PBX4: variants seen among roughly 807,000 people sequenced by gnomAD.
PBX4 encodes pre-B-cell leukemia transcription factor 4.
A neutral mutation model predicts 35.1 loss-of-function variants in PBX4; 26 were observed. That is an observed-to-expected ratio of 0.74 (90% confidence interval 0.54 to 1.03). PBX4 has a LOEUF of 1.03. Ranked by LOEUF, PBX4 falls within the 50% of genes least tolerant of loss-of-function variation. PBX4 has a pLI of 0.00. For missense variants in PBX4, 448 were observed against 504.3 expected (o/e 0.89, Z 1.07); for synonymous variants, 199 against 204.2 (o/e 0.97, Z 0.22).
At position 19,570,597 on chromosome 19, in the gene PBX4, T is replaced by C. The variant is rs1249733586; in HGVS notation, c.430A>G (p.Lys144Glu). The C allele has an allele frequency of 6.2e-7, 1 of 1,613,796 alleles. No individual in the cohort carries two copies. Among genetic ancestry groups the C allele is most frequent in the Non-Finnish European group, 8.5e-7 (1 of 1,179,716 alleles). The change falls in exon 3 of 8, where the codon AAA (lysine) becomes GAA (glutamate). Residue 144 changes from lysine (K) to glutamate (E), a missense_variant. Lys to Glu is a moderately conservative substitution (Grantham distance 56, BLOSUM62 1). Transcript: ENST00000251203. Reference protein sequence around the residue: ...IRQIYHSELEKYEQACREFTT... With the variant: ...IRQIYHSELEEYEQACREFTT... The stretch of plus-strand genomic sequence containing the variant: ...TGCAGAAAGATCACCTGTTCATATT[T>C]CTCTAGCTCAGAGTGGTAAATCTGT...
Position 19,599,228 on chromosome 19 carries a change from A to G in PBX4, c.193+64T>C, listed in dbSNP as rs1203077935. 3.3e-5 allele frequency: 46 copies of G among 1,392,084 alleles called. No homozygotes were observed. In the Middle Eastern group the frequency reaches 9.0e-4, roughly 27 times the overall value. 86.2% of individuals were successfully genotyped at this position (1,392,084 alleles called of 1,614,324 possible). On this transcript the variant is annotated intron_variant, in intron 2 of 7. Transcript: ENST00000251203. Reference sequence around the variant, plus strand: ...GTGATCTGCCCGCCTCCGCCTCCCAATGTGCTGGGATTACAGGCATGAGCC... The same window carrying G: ...GTGATCTGCCCGCCTCCGCCTCCCAGTGTGCTGGGATTACAGGCATGAGCC...
Position 19,618,647 on chromosome 19 carries a change from G to A in PBX4, c.-18C>T. On this transcript the variant is annotated 5_prime_UTR_variant, in exon 1 of 8. Coordinates refer to ENST00000251203, the MANE Select transcript of PBX4 (RefSeq NM_025245.3). Reference sequence around the variant, plus strand: ...GCGGCCATGAGCGGCAGGGCCGGGCGGGCGCTGTGAGGGTGCCGTCGAGCC... The same window carrying A: ...GCGGCCATGAGCGGCAGGGCCGGGCAGGCGCTGTGAGGGTGCCGTCGAGCC... 1 of 1,209,234 alleles carries A rather than the reference G, an allele frequency of 8.3e-7. No individual in the cohort carries two copies. The highest frequency in any genetic ancestry group is 1.6e-5 in the African/African-American group (1 of 63,038). The allele number at this position is 1,209,234 out of a possible 1,614,324, so 74.9% of individuals were successfully genotyped here. A position where few individuals can be genotyped will look rare whatever the true frequency, so the allele number is the denominator to read the frequency against.
chr19:19,587,389 A>C (rs1228773679), intron 2 of PBX4, among the ~76,000 whole-genome samples: 1 of 151,678 alleles, frequency 6.6e-6, no homozygotes, highest in Non-Finnish European at 1.5e-5. Flanking sequence ...GGAGTTTGAG[A>C]CCAGCCTGGC....
chr19:19,600,482 C>A (rs891346044), intron 1 of PBX4, among the ~76,000 whole-genome samples: 1 of 151,554 alleles, frequency 6.6e-6, no homozygotes, highest in Non-Finnish European at 1.5e-5. Flanking sequence ...TATGAACATG[C>A]CACTGTACTC....
chr19:19,592,232 G>A (rs935161666), intron 2 of PBX4, among the ~76,000 whole-genome samples: 1 of 152,176 alleles, frequency 6.6e-6, no homozygotes, highest in African/African-American at 2.4e-5. Flanking sequence ...AACATACCTA[G>A]TCCCAGGGTC....
At chr19:19,605,225 G>T (rs1184047369) in intron 1 of PBX4, among the ~76,000 whole-genome samples, 1 of 150,850 alleles carries the variant, frequency 6.6e-6, no homozygotes, top group Non-Finnish European at 1.5e-5. Context: ...AGACCATCCT[G>T]GCCAACGTGG....
intron 2 of PBX4, among the ~76,000 whole-genome samples, chr19:19,591,193 G>A (rs2061525866): frequency 6.6e-6 from 1 of 152,030 alleles, no homozygotes; most frequent in Non-Finnish European, 1.5e-5. Context: ...CAGCCCCAGG[G>A]TACAGCTAAT....
In PBX4 at chr19:19,618,599, G is replaced by T. The variant is rs1338588159; in HGVS notation, c.31C>A (p.Pro11Thr). MAAPPRPAPS[P>T]PAPRRLDTSD... Reference sequence around the variant, plus strand: ...GTGTCGAGGCGCCGCGGGGCGGGGGGCGATGGCGCGGGGCGCGGCGGGGCG... The same window carrying T: ...GTGTCGAGGCGCCGCGGGGCGGGGGTCGATGGCGCGGGGCGCGGCGGGGCG... The change falls in exon 1 of 8, where the codon CCC (proline) becomes ACC (threonine). Residue 11 changes from proline to threonine, a missense_variant. By Grantham distance (38) the Pro-to-Thr change is conservative. Coordinates refer to ENST00000251203, the MANE Select transcript of PBX4 (RefSeq NM_025245.3). The T allele has an allele frequency of 1.6e-6, 2 of 1,280,322 alleles. No homozygotes were observed. The highest frequency in any genetic ancestry group is 2.0e-6 in the Non-Finnish European group (2 of 1,011,730). 79.3% of individuals were successfully genotyped at this position (1,280,322 alleles called of 1,614,324 possible).
chr19:19,600,576 T>C (rs1402764354), intron 1 of PBX4, among the ~76,000 whole-genome samples: 3 of 151,292 alleles, frequency 2.0e-5, no homozygotes, highest in African/African-American at 4.9e-5. Context: ...CCCAGCACTT[T>C]GGGCGGCCGA....
chr19:19,609,426 G>A (rs955598928), intron 1 of PBX4, among the ~76,000 whole-genome samples: 2 of 151,828 alleles, frequency 1.3e-5, no homozygotes, highest in Non-Finnish European at 2.9e-5. Context: ...GTGCATGCCT[G>A]TAATCCCAGC....
intron 1 of PBX4, among the ~76,000 whole-genome samples, chr19:19,604,785 A>G (rs1352667229): frequency 6.6e-6 from 1 of 151,470 alleles, no homozygotes; most frequent in Non-Finnish European, 1.5e-5. Flanking sequence ...TGTTTTTAGT[A>G]TAGACAGGGT....
chr19:19,602,946 G>A (rs997283702), intron 1 of PBX4, among the ~76,000 whole-genome samples: 11 of 152,074 alleles, frequency 7.2e-5, no homozygotes, highest in African/African-American at 2.4e-4. Flanking sequence ...TCACCCCAGG[G>A]CCAGGTACTG....
intron 3 of PBX4, 109 bp downstream of exon 3, chr19:19,570,477 G>C (rs563125339): frequency 7.9e-6 from 12 of 1,519,932 alleles, no homozygotes; most frequent in Non-Finnish European, 1.1e-5. Flanking sequence ...GCGACCAACT[G>C]CATGGACTCC....
intron 5 of PBX4, among the ~76,000 whole-genome samples, chr19:19,567,166 T>C (rs1172838668): frequency 1.3e-5 from 2 of 152,192 alleles, no homozygotes; most frequent in East Asian, 3.9e-4. Flanking sequence ...TCCATCCTGG[T>C]TGAAGCAGCC....
At chr19:19,576,494 G>A (rs771415709) in intron 2 of PBX4, among the ~76,000 whole-genome samples, 14 of 151,916 alleles carry the variant, frequency 9.2e-5, no homozygotes, top group African/African-American at 3.4e-4. Context: ...AAAGTGCTGG[G>A]ATTACAGGTG....
chr19:19,597,468 G>T (rs1230117824), intron 2 of PBX4, among the ~76,000 whole-genome samples: 1 of 152,134 alleles, frequency 6.6e-6, no homozygotes, highest in African/African-American at 2.4e-5. Flanking sequence ...ACAGAGAAAG[G>T]TTCAGCCAAG....
rs1414008682 is a variant in PBX4, at chr19:19,567,665, C to T, written c.768+1784G>A. Reference sequence around the variant, plus strand: ...CATAGGCTGCCTGGACTTACTGTTTCCATGTTAAAACCTTCGGAAATATTT... The same window carrying T: ...CATAGGCTGCCTGGACTTACTGTTTTCATGTTAAAACCTTCGGAAATATTT... On this transcript the variant is annotated intron_variant, in intron 5 of 7. Transcript: ENST00000251203. Among the ~76,000 whole-genome samples the T allele has an allele frequency of 2.0e-5, 3 of 152,166 alleles. No homozygotes were observed. The South Asian group carries it at 6.2e-4, about 31-fold the overall frequency.
At chr19:19,565,929 ATT>A (rs1055115300) in intron 5 of PBX4, among the ~76,000 whole-genome samples, 7 of 150,960 alleles carry the variant, frequency 4.6e-5, no homozygotes, top group African/African-American at 1.7e-4. Flanking sequence ...AAAAAAATAT[ATT>A]TTTTCTTTTT....
chr19:19,580,395 G>T (rs2061446694), intron 2 of PBX4, among the ~76,000 whole-genome samples: 1 of 152,110 alleles, frequency 6.6e-6, no homozygotes, highest in East Asian at 1.9e-4. Flanking sequence ...GCTGCTACCG[G>T]GGTCTCCTAT....
Sources: gnomAD v4.1 joint callset for allele counts (sites outside exome capture counted in the v4.1 genomes callset) on GRCh38, gnomAD v4.1.1 for gene constraint, MANE v1.5 for transcripts, NCBI Gene and HGNC (gene_info 2026-07-23, HGNC 2026-07-21) for gene names.